Variants in FBXW2 observed in about 807,000 individuals in gnomAD.
The protein encoded by FBXW2 is F-box/WD repeat-containing protein 2.
Under a neutral mutation model 46.0 loss-of-function variants are expected in FBXW2, and 12 were observed. The observed-to-expected ratio is 0.26, with a 90% CI of 0.17 to 0.42. The LOEUF is 0.42. Ranked by LOEUF, FBXW2 falls within the 10% of genes least tolerant of loss-of-function variation. The probability of loss-of-function intolerance (pLI) is 1.00; values close to 1 mark genes in which losing one functional copy is unlikely to be tolerated. For synonymous variants in FBXW2, 203 were observed against 209.6 expected, an observed-to-expected ratio of 0.97 and a Z score of 0.27; for missense variants, 360 against 537.0, an observed-to-expected ratio of 0.67 and a Z score of 3.26.
At chr9:120,788,326 C>G in intron 2 of FBXW2, 48 bp from the exon 3 acceptor site, 1 of 1,514,838 alleles carries the variant, frequency 6.6e-7, no homozygotes. Flanking sequence ...AAAGACTGTT[C>G]AAGCAAGACT....
intron 7 of FBXW2, among the ~76,000 whole-genome samples, chr9:120,770,565 T>C (rs534522246): frequency 3.9e-5 from 6 of 152,288 alleles, no homozygotes; most frequent in Admixed American, 1.3e-4. Context: ...TTATTATTAA[T>C]AAAGATCTGC....
At chr9:120,764,961 G>A (rs1465473152) in intron 7 of FBXW2, 114 bp from the exon 8 acceptor site, 3 of 881,056 alleles carry the variant, frequency 3.4e-6, no homozygotes, top group Non-Finnish European at 4.9e-6. Flanking sequence ...CAAATTTAGA[G>A]TTAAATGTTT....
intron 2 of FBXW2, among the ~76,000 whole-genome samples, chr9:120,791,017 CCT>C (rs1199841433): frequency 6.6e-6 from 1 of 152,172 alleles, no homozygotes; most frequent in Non-Finnish European, 1.5e-5. Context: ...GAGCAGTTCA[CCT>C]CTGATTATTC....
chr9:120,787,201 C>G (rs1184956908), intron 3 of FBXW2, among the ~76,000 whole-genome samples: 1 of 152,106 alleles, frequency 6.6e-6, no homozygotes, highest in Non-Finnish European at 1.5e-5. Context: ...GCTACTTTTT[C>G]GTATTTCAGT....
intron 5 of FBXW2, among the ~76,000 whole-genome samples, chr9:120,773,249 C>T (rs1241950881): frequency 6.7e-6 from 1 of 150,004 alleles, no homozygotes; most frequent in Non-Finnish European, 1.5e-5. Flanking sequence ...CGTCTAGAAG[C>T]AAACATTAGG....
intron 5 of FBXW2, among the ~76,000 whole-genome samples, chr9:120,774,807 C>T (rs1426895324): frequency 6.6e-6 from 1 of 152,158 alleles, no homozygotes; most frequent in Non-Finnish European, 1.5e-5. Context: ...CTGATGATAT[C>T]CACCATACTT....
chr9:120,785,758 G>A (rs143298461), intron 3 of FBXW2, among the ~76,000 whole-genome samples: 2,388 of 152,072 alleles, frequency 0.016, 56 homozygotes, highest in African/African-American at 0.055. Context: ...GGCCGGGCAC[G>A]GTGGCTCACG....
intron 7 of FBXW2, among the ~76,000 whole-genome samples, chr9:120,770,302 G>C (rs1340893333): frequency 1.3e-5 from 2 of 151,900 alleles, no homozygotes; most frequent in East Asian, 3.9e-4. Context: ...TGTGAACCCT[G>C]GAGGCGGAGC....
chr9:120,781,405 C>T (rs2044608601), intron 3 of FBXW2, among the ~76,000 whole-genome samples: 1 of 152,106 alleles, frequency 6.6e-6, no homozygotes. Flanking sequence ...AACATGAACA[C>T]TGATTATGAA....
At chr9:120,775,288 C>T (rs2044469525) in intron 5 of FBXW2, among the ~76,000 whole-genome samples, 1 of 152,220 alleles carries the variant, frequency 6.6e-6, no homozygotes, top group African/African-American at 2.4e-5. Flanking sequence ...AGGTGATCCG[C>T]CCGCCTTGGC....
chr9:120,792,204 C>T (rs934699489), intron 2 of FBXW2, among the ~76,000 whole-genome samples: 3 of 152,142 alleles, frequency 2.0e-5, no homozygotes, highest in Admixed American at 2.0e-4. Context: ...AAAACCTATA[C>T]TCAGAGGTAT....
At position 120,764,622 on chromosome 9, in the gene FBXW2, C is replaced by T; in HGVS notation, c.1302G>A (p.Leu434=). ...GGTCAGGCATGCTGGTGGCAAAGAC[C>T]AAGCCCGTGTCATTGTGCCCATCCA... ...NGLDGHNDTG[L]VFATSMPDHS... Residue 434 remains leucine, a synonymous_variant, in exon 8 of 8, where the codon TTG becomes TTA. Coordinates refer to ENST00000608872, the MANE Select transcript of FBXW2 (RefSeq NM_012164.4). 2 of 1,614,202 alleles carry T rather than the reference C, an allele frequency of 1.2e-6. No homozygotes were observed. Among genetic ancestry groups the T allele is most frequent in the South Asian group, 2.2e-5 (2 of 91,086 alleles).
chr9:120,775,562 A>G (rs2044474788), intron 5 of FBXW2, among the ~76,000 whole-genome samples: 1 of 152,202 alleles, frequency 6.6e-6, no homozygotes, highest in African/African-American at 2.4e-5. Context: ...TGGTATATCC[A>G]TTATTAATAC....
intron 7 of FBXW2, among the ~76,000 whole-genome samples, chr9:120,768,209 C>T (rs2044309060): frequency 6.6e-6 from 1 of 152,204 alleles, no homozygotes; most frequent in Non-Finnish European, 1.5e-5. Context: ...GGCATTTATA[C>T]TCACCCTTTA....
At chr9:120,793,020 G>A (rs1588056777) in intron 2 of FBXW2, 129 bp downstream of exon 2, 1 of 1,437,314 alleles carries the variant, frequency 7.0e-7, no homozygotes, top group East Asian at 2.5e-5. Flanking sequence ...TCGCAGCTAA[G>A]GAAATGGAGG....
rs2044219871 is a variant in FBXW2 at position 120,763,008 on chromosome 9, GA to G, written c.*1550del. ...AATCACAAAATTACCTAACTTTAGA[GA>G]GGGAGGAGGACACAATCTGGCAACC... On this transcript the variant is annotated 3_prime_UTR_variant, in exon 8 of 8. Coordinates refer to ENST00000608872, the MANE Select transcript of FBXW2 (RefSeq NM_012164.4). 1 of 152,214 alleles carries G rather than the reference GA, an allele frequency of 6.6e-6. No individual in the cohort carries two copies. The highest frequency in any genetic ancestry group is 1.5e-5 in the Non-Finnish European group (1 of 68,040). The allele number at this position is 152,214 out of a possible 1,614,324, so 9.4% of individuals were successfully genotyped here. A position where few individuals can be genotyped will look rare whatever the true frequency, so the allele number is the denominator to read the frequency against.
At chr9:120,775,820 T>A (rs1344546012) in intron 5 of FBXW2, among the ~76,000 whole-genome samples, 1 of 152,222 alleles carries the variant, frequency 6.6e-6, no homozygotes, top group Non-Finnish European at 1.5e-5. Flanking sequence ...GGTATCACAC[T>A]CTACATATTT....
At chr9:120,765,640 AG>A (rs2044263203) in intron 7 of FBXW2, among the ~76,000 whole-genome samples, 1 of 152,364 alleles carries the variant, frequency 6.6e-6, no homozygotes, top group East Asian at 1.9e-4. Context: ...GAAGCCCAGA[AG>A]AAACCTGAAA....
rs1420485861 is a variant in FBXW2, at chr9:120,758,716, A to G, written c.*5843T>C. 6.6e-6 allele frequency: 1 copy of G among 152,206 alleles called. No individual in the cohort carries two copies. The highest frequency in any genetic ancestry group is 6.5e-5 in the Admixed American group (1 of 15,278). The allele number at this position is 152,206 out of a possible 1,614,324, so 9.4% of individuals were successfully genotyped here. On this transcript the variant is annotated 3_prime_UTR_variant, in exon 8 of 8. Transcript: ENST00000608872. Reference sequence around the variant, plus strand: ...AAGCCACAGCTTTCTCATCTGTAAAACAGGAATGACAATCTGCCCTTAATG... The same window carrying G: ...AAGCCACAGCTTTCTCATCTGTAAAGCAGGAATGACAATCTGCCCTTAATG...
Sources: gnomAD v4.1 joint callset for allele counts (sites outside exome capture counted in the v4.1 genomes callset) on GRCh38, gnomAD v4.1.1 for gene constraint, MANE v1.5 for transcripts, NCBI Gene and HGNC (gene_info 2026-07-23, HGNC 2026-07-21) for gene names.